RABGAP1: variants seen among roughly 807,000 people sequenced by gnomAD.
The protein encoded by RABGAP1 is rab GTPase-activating protein 1.
In RABGAP1, 23 loss-of-function variants were observed where a neutral mutation model predicts 137.6. The ratio of observed to expected loss-of-function variants is 0.17; its 90% CI spans 0.12 to 0.24. The LOEUF is 0.24. Among genes scored for constraint, RABGAP1 ranks in the 10% least tolerant of loss-of-function variants. RABGAP1 has a pLI of 1.00. For missense variants in RABGAP1, 906 were observed against 1,275.8 expected (o/e 0.71, Z 4.42); for synonymous variants, 451 against 450.7 (o/e 1.00, Z -0.01).
intron 13 of RABGAP1, among the ~76,000 whole-genome samples, chr9:123,051,498 C>T (rs997836976): frequency 3.3e-5 from 5 of 151,584 alleles, no homozygotes; most frequent in Middle Eastern, 6.8e-3. Flanking sequence ...CTGCCCGCCT[C>T]GACCTCCCAA....
chr9:122,942,668 T>TAAA (rs1298123652), intron 1 of RABGAP1, among the ~76,000 whole-genome samples: 2 of 5,496 alleles, frequency 3.6e-4, no homozygotes, highest in East Asian at 8.5e-4. Flanking sequence ...AGACTCCGTC[T>TAAA]CAAAAAAAAA....
At chr9:123,083,572 T>C (rs556835205) in intron 19 of RABGAP1, among the ~76,000 whole-genome samples, 6 of 152,386 alleles carry the variant, frequency 3.9e-5, no homozygotes, top group Non-Finnish European at 7.3e-5. Context: ...AAAAACACTC[T>C]GGTGGTAGAA....
chr9:123,077,611 A>AT (rs2034556980), intron 19 of RABGAP1, among the ~76,000 whole-genome samples: 1 of 17,738 alleles, frequency 5.6e-5, no homozygotes, highest in African/African-American at 3.4e-4. Flanking sequence ...TTATCATAAC[A>AT]TTGTATTGTA....
intron 13 of RABGAP1, among the ~76,000 whole-genome samples, chr9:123,022,952 C>T (rs911735518): frequency 6.6e-6 from 1 of 152,040 alleles, no homozygotes; most frequent in African/African-American, 2.4e-5. Context: ...TTACAGTCTA[C>T]TCTACCAGCT....
chr9:122,949,788 G>A (rs1035465948), intron 1 of RABGAP1, among the ~76,000 whole-genome samples: 4 of 149,800 alleles, frequency 2.7e-5, no homozygotes, highest in African/African-American at 9.9e-5. Context: ...AAAACAAAAA[G>A]CCTGAGGAGC....
intron 13 of RABGAP1, among the ~76,000 whole-genome samples, chr9:123,046,642 G>T (rs2033220615): frequency 6.6e-6 from 1 of 152,210 alleles, no homozygotes; most frequent in Non-Finnish European, 1.5e-5. Context: ...CGTAGTGCTT[G>T]GCATGCAGTA....
intron 13 of RABGAP1, among the ~76,000 whole-genome samples, chr9:123,047,479 T>C (rs1588330127): frequency 6.6e-6 from 1 of 152,222 alleles, no homozygotes; most frequent in African/African-American, 2.4e-5. Flanking sequence ...GATACTAATA[T>C]ACTTTGCTTG....
chr9:123,009,853 A>C (rs1226324088), intron 10 of RABGAP1, among the ~76,000 whole-genome samples: 5 of 152,176 alleles, frequency 3.3e-5, no homozygotes, highest in Admixed American at 1.3e-4. Context: ...ACACTGTTTT[A>C]AGCAAAAGGA....
intron 12 of RABGAP1, among the ~76,000 whole-genome samples, chr9:123,017,809 A>G (rs527934512): frequency 6.6e-5 from 10 of 152,344 alleles, no homozygotes; most frequent in Non-Finnish European, 1.5e-4. Context: ...AACTCTAACA[A>G]CCTTATAAAG....
At chr9:123,042,661 GA>G (rs1008714440) in intron 13 of RABGAP1, among the ~76,000 whole-genome samples, 1 of 152,136 alleles carries the variant, frequency 6.6e-6, no homozygotes, top group South Asian at 2.1e-4. Flanking sequence ...CAGAGAGACA[GA>G]AAATAGATGA....
intron 13 of RABGAP1, among the ~76,000 whole-genome samples, chr9:123,058,942 G>A (rs753378369): frequency 2.0e-5 from 3 of 152,166 alleles, no homozygotes; most frequent in Non-Finnish European, 4.4e-5. Context: ...ATTGCAGCAT[G>A]CATTTGAGAG....
In RABGAP1 at chr9:123,104,010, T is replaced by A. The variant is rs1417527146; in HGVS notation, c.*797T>A. 1.3e-5 allele frequency: 2 copies of A among 151,492 alleles called. No individual in the cohort carries two copies. The highest frequency in any genetic ancestry group is 2.9e-5 in the Non-Finnish European group (2 of 67,804). The allele number at this position is 151,492 out of a possible 1,614,324, so 9.4% of individuals were successfully genotyped here. ...GTGTGTGTGTGTATGTATATATATA[T>A]ATAAATATCTTTCCCAATATGCCCC... is the stretch of plus-strand genomic sequence containing the variant. On this transcript the variant is annotated 3_prime_UTR_variant, in exon 26 of 26. Transcript: ENST00000373647.
At chr9:122,990,019 T>C (rs762779402) in intron 5 of RABGAP1, 37 bp from the exon 6 acceptor site, 1 of 1,524,744 alleles carries the variant, frequency 6.6e-7, no homozygotes, top group Non-Finnish European at 9.0e-7. Context: ...TTTATATCTT[T>C]TGATAACAGC....
At chr9:123,064,149 C>G (rs1302401312) in intron 13 of RABGAP1, among the ~76,000 whole-genome samples, 1 of 152,198 alleles carries the variant, frequency 6.6e-6, no homozygotes, top group Non-Finnish European at 1.5e-5. Context: ...CAACGCGGAG[C>G]TCTAATTCAG....
At chr9:123,009,212 A>G (rs1319220190) in intron 10 of RABGAP1, among the ~76,000 whole-genome samples, 1 of 152,240 alleles carries the variant, frequency 6.6e-6, no homozygotes, top group Non-Finnish European at 1.5e-5. Flanking sequence ...CAACTGGCCC[A>G]TATAGCCTAA....
chr9:122,986,330 C>G lies in RABGAP1; in HGVS notation c.501C>G (p.Ala167=), dbSNP rs374096472. The part of the protein sequence containing the change: ...SVNAPRSEVE[A]LRMMSILRSQ... ...ATGCTCCCAGGAGTGAAGTGGAAGC[C>G]TTAAGGATGATGTCCATCTTAAGAA... The change falls in exon 4 of 26, where the codon GCC becomes GCG. Residue 167 remains alanine (A), a synonymous_variant. Transcript: ENST00000373647. The G allele has an allele frequency of 6.2e-7, 1 of 1,613,938 alleles. No homozygotes were observed. The highest frequency in any genetic ancestry group is 1.3e-5 in the African/African-American group (1 of 74,868).
chr9:123,066,552 C>A (rs994139119), intron 14 of RABGAP1, among the ~76,000 whole-genome samples: 7 of 152,180 alleles, frequency 4.6e-5, no homozygotes, highest in African/African-American at 1.7e-4. Flanking sequence ...TACGGGCTCC[C>A]TCTCATGCCT....
At chr9:123,089,948 A>C (rs527986530) in intron 20 of RABGAP1, 98 bp downstream of exon 20, 1 of 1,097,246 alleles carries the variant, frequency 9.1e-7, no homozygotes, top group Admixed American at 2.4e-5. Context: ...TTAAAATTCA[A>C]TTCCTCTGTA....
chr9:122,990,799 A>ATG (rs1836675738), intron 6 of RABGAP1: 2 of 41,798 alleles, frequency 4.8e-5, no homozygotes, highest in South Asian at 9.7e-4. Context: ...AAAAAAAAAT[A>ATG]TATATATATA....
Sources: gnomAD v4.1 joint callset for allele counts (sites outside exome capture counted in the v4.1 genomes callset) on GRCh38, gnomAD v4.1.1 for gene constraint, MANE v1.5 for transcripts, NCBI Gene and HGNC (gene_info 2026-07-23, HGNC 2026-07-21) for gene names.